Variants in CDH18 observed in about 807,000 individuals in gnomAD.
The protein encoded by CDH18 is cadherin 18, also known as cadherin-18.
CDH18 carries 31 observed loss-of-function variants against 67.9 expected under a neutral mutation model. The ratio of observed to expected loss-of-function variants is 0.46; its 90% CI spans 0.34 to 0.62. The LOEUF (loss-of-function observed/expected upper bound fraction) is 0.62, where lower values mean the gene tolerates loss of function less well. Among genes scored for constraint, CDH18 ranks in the 20% least tolerant of loss-of-function variants. The pLI is 0.01. For missense variants in CDH18, 890 were observed against 975.5 expected (o/e 0.91, Z 1.17); for synonymous variants, 362 against 347.2 (o/e 1.04, Z -0.48).
At chr5:20,353,836 C>T (rs559406853) in intron 1 of CDH18, among the ~76,000 whole-genome samples, 65 of 152,302 alleles carry the variant, frequency 4.3e-4, no homozygotes, top group Admixed American at 7.2e-4. Flanking sequence ...CATCCTTTCT[C>T]CCACAGGGTT....
intron 2 of CDH18, among the ~76,000 whole-genome samples, chr5:20,245,023 G>A (rs781637933): frequency 6.6e-6 from 1 of 152,082 alleles, no homozygotes; most frequent in Non-Finnish European, 1.5e-5. Context: ...CCCTCTTGCT[G>A]ATTTACTGGC....
intron 2 of CDH18, among the ~76,000 whole-genome samples, chr5:19,958,074 A>G (rs1796429772): frequency 6.6e-6 from 1 of 151,792 alleles, no homozygotes; most frequent in African/African-American, 2.4e-5. Flanking sequence ...GGATGAACTT[A>G]TGATGGCTGG....
intron 1 of CDH18, among the ~76,000 whole-genome samples, chr5:19,985,767 C>G (rs1031646327): frequency 6.6e-6 from 1 of 151,910 alleles, no homozygotes; most frequent in Non-Finnish European, 1.5e-5. Flanking sequence ...CAAAGAACAC[C>G]ATATACATGC....
At chr5:20,012,560 AAGG>A (rs1252858696) in intron 2 of CDH18, among the ~76,000 whole-genome samples, 3 of 152,066 alleles carry the variant, frequency 2.0e-5, no homozygotes, top group Non-Finnish European at 4.4e-5. Context: ...AGAGCTAACC[AAGG>A]AGGTGAAAGA....
At chr5:19,482,696 A>T (rs1365887591) in intron 12 of CDH18, among the ~76,000 whole-genome samples, 1 of 152,184 alleles carries the variant, frequency 6.6e-6, no homozygotes, top group African/African-American at 2.4e-5. Context: ...TGCCTAGTGT[A>T]GTCAAGCAAA....
intron 2 of CDH18, among the ~76,000 whole-genome samples, chr5:20,234,425 G>T (rs1353091298): frequency 6.6e-6 from 1 of 151,860 alleles, no homozygotes; most frequent in African/African-American, 2.4e-5. Context: ...TTCAACCTAT[G>T]TTCCAGATCA....
intron 11 of CDH18, among the ~76,000 whole-genome samples, chr5:19,485,530 C>T (rs908903919): frequency 5.3e-5 from 8 of 152,172 alleles, no homozygotes; most frequent in Non-Finnish European, 1.0e-4. Flanking sequence ...GCTGGGATTA[C>T]AGGCGTGAGC....
At position 20,269,370 on chromosome 5, in the gene CDH18, C is replaced by T. The variant is rs111630343; in HGVS notation, c.-579-13865G>A. On this transcript the variant is annotated intron_variant, in intron 1 of 14. Transcript: ENST00000507958. ...ACTGCAATTCGATCTAGCACTCCCA[C>T]CACTTTTCCCAAAGGAAAAGATGTC... is the stretch of plus-strand genomic sequence containing the variant. Among the ~76,000 whole-genome samples the T allele has an allele frequency of 4.7e-3, 708 of 151,696 alleles. 3 individuals are homozygous for T. The highest frequency in any genetic ancestry group is 7.2e-3 in the Non-Finnish European group (490 of 67,838).
rs142739474 is a variant in CDH18, at chr5:19,549,531, A to G, written c.1254-5526T>C. Among the ~76,000 whole-genome samples the G allele has an allele frequency of 6.6e-5, 10 of 152,268 alleles. No homozygotes were observed. The East Asian group carries it at 1.9e-3, about 29-fold the overall frequency. On this transcript the variant is annotated intron_variant, in intron 8 of 12. Coordinates refer to ENST00000382275, the MANE Select transcript of CDH18 (RefSeq NM_004934.5). ...TTCATTCAAAAATACTCTCATTTGA[A>G]AGAATACAGAAAAAGAATGAAAGAT...
At chr5:19,475,399 T>C (rs975540950) in intron 12 of CDH18, among the ~76,000 whole-genome samples, 1 of 152,008 alleles carries the variant, frequency 6.6e-6, no homozygotes, top group South Asian at 2.1e-4. Context: ...ACACAAAACG[T>C]ATTTTATAAT....
At chr5:19,682,313 T>G (rs991963287) in intron 5 of CDH18, among the ~76,000 whole-genome samples, 5 of 152,084 alleles carry the variant, frequency 3.3e-5, no homozygotes, top group Non-Finnish European at 7.4e-5. Flanking sequence ...ACTTTCCTCC[T>G]GTTTCCCTTT....
At chr5:20,147,770 A>G (rs1750770354) in intron 2 of CDH18, among the ~76,000 whole-genome samples, 2 of 152,162 alleles carry the variant, frequency 1.3e-5, no homozygotes, top group South Asian at 2.1e-4. Flanking sequence ...TCCAAAAAAT[A>G]TAAATAATAA....
intron 5 of CDH18, among the ~76,000 whole-genome samples, chr5:19,649,377 C>CT (rs1212447867): frequency 6.6e-6 from 1 of 152,080 alleles, no homozygotes; most frequent in African/African-American, 2.4e-5. Context: ...AGTCCAGTCT[C>CT]TATCATTCTG....
chr5:20,049,540 T>C (rs1741228022), intron 2 of CDH18, among the ~76,000 whole-genome samples: 1 of 151,604 alleles, frequency 6.6e-6, no homozygotes, highest in Admixed American at 6.6e-5. Flanking sequence ...AACACTACAA[T>C]ATAGCAAGTT....
At chr5:20,079,926 A>G (rs1441583624) in intron 2 of CDH18, among the ~76,000 whole-genome samples, 1 of 152,128 alleles carries the variant, frequency 6.6e-6, no homozygotes, top group African/African-American at 2.4e-5. Context: ...GCAGAGAAAG[A>G]AAGAAAGTTC....
In CDH18 at chr5:20,119,980, G is replaced by C. The variant is rs115686137; in HGVS notation, c.-517-127966C>G. The stretch of plus-strand genomic sequence containing the variant: ...CTATACTCATAATTACCACAATGAA[G>C]CTTCATCAGTCCTCAACAATGTTAT... On this transcript the variant is annotated intron_variant, in intron 2 of 14. Transcript: ENST00000507958. 5.1e-3 allele frequency among the ~76,000 whole-genome samples: 782 copies of C among 152,048 alleles called. 8 individuals carry two copies. The highest frequency in any genetic ancestry group is 0.018 in the African/African-American group (752 of 41,512).
At chr5:20,044,234 C>A (rs2150478262) in intron 2 of CDH18, among the ~76,000 whole-genome samples, 1 of 151,720 alleles carries the variant, frequency 6.6e-6, no homozygotes, top group South Asian at 2.1e-4. Flanking sequence ...TACCCAGATA[C>A]AATGGGGATG....
At chr5:19,744,401 A>T (rs1769677758) in intron 4 of CDH18, among the ~76,000 whole-genome samples, 1 of 152,120 alleles carries the variant, frequency 6.6e-6, no homozygotes, top group South Asian at 2.1e-4. Flanking sequence ...CTCAACTCAC[A>T]GCCTTTTCTG....
intron 1 of CDH18, among the ~76,000 whole-genome samples, chr5:20,312,480 C>T (rs1366514839): frequency 1.3e-5 from 2 of 152,112 alleles, no homozygotes; most frequent in Non-Finnish European, 2.9e-5. Flanking sequence ...AGGTTCTCGG[C>T]ATTTGGATGA....
Sources: allele counts gnomAD v4.1 joint callset (sites outside exome capture counted in the v4.1 genomes callset), GRCh38; gene constraint gnomAD v4.1.1; transcripts MANE v1.5; gene names NCBI Gene and HGNC (gene_info 2026-07-23, HGNC 2026-07-21).